The following DIAPH3 variants were observed in gnomAD, a reference collection of about 807,000 sequenced individuals.
The protein encoded by DIAPH3 is diaphanous related formin 3, also known as protein diaphanous homolog 3.
Under a neutral mutation model 144.3 loss-of-function variants are expected in DIAPH3, and 117 were observed. The ratio of observed to expected loss-of-function variants is 0.81; its 90% CI spans 0.70 to 0.95. DIAPH3 has a LOEUF of 0.95. DIAPH3 is among the 40% of genes least tolerant of loss of function. The probability of loss-of-function intolerance (pLI) is 0.00; values close to 1 mark genes in which losing one functional copy is unlikely to be tolerated. For missense variants in DIAPH3, 1,421 were observed against 1,412.7 expected (o/e 1.01, Z -0.09); for synonymous variants, 519 against 488.9 (o/e 1.06, Z -0.81).
chr13:59,940,605 T>A (rs576293591), intron 17 of DIAPH3, among the ~76,000 whole-genome samples: 3 of 152,356 alleles, frequency 2.0e-5, no homozygotes, highest in African/African-American at 7.2e-5. Context: ...GTATTTCATA[T>A]AATTTCTTGA....
At chr13:59,976,080 C>T (rs2050664489) in intron 14 of DIAPH3, among the ~76,000 whole-genome samples, 1 of 151,958 alleles carries the variant, frequency 6.6e-6, no homozygotes, top group African/African-American at 2.4e-5. Context: ...TTTCATCCCT[C>T]ATTTTACTCC....
chr13:59,835,385 G>A (rs341513), intron 23 of DIAPH3, among the ~76,000 whole-genome samples: 92,131 of 151,404 alleles, frequency 0.61, 28,499 homozygotes, highest in East Asian at 0.7. Context: ...ATGATATTAC[G>A]TAGAGTGACA....
At chr13:60,105,253 T>G (rs932566016) in intron 3 of DIAPH3, among the ~76,000 whole-genome samples, 30 of 152,164 alleles carry the variant, frequency 2.0e-4, no homozygotes, top group Non-Finnish European at 4.4e-4. Context: ...AACTTTTTTC[T>G]TAAGGCCACC....
At chr13:60,076,477 C>T (rs1032177087) in intron 4 of DIAPH3, among the ~76,000 whole-genome samples, 1 of 152,044 alleles carries the variant, frequency 6.6e-6, no homozygotes, top group African/African-American at 2.4e-5. Context: ...TATCCTCAGC[C>T]CCTGGGCTTC....
At chr13:59,793,328 G>T (rs1417424150) in intron 25 of DIAPH3, among the ~76,000 whole-genome samples, 2 of 152,032 alleles carry the variant, frequency 1.3e-5, no homozygotes, top group African/African-American at 4.8e-5. Flanking sequence ...CTCCCAGTCT[G>T]CATTTAAACA....
chr13:59,891,128 T>C (rs1330673632), intron 20 of DIAPH3, among the ~76,000 whole-genome samples: 1 of 151,998 alleles, frequency 6.6e-6, no homozygotes, highest in Non-Finnish European at 1.5e-5. Flanking sequence ...TCAAACCTCA[T>C]AATGAGATTT....
intron 4 of DIAPH3, among the ~76,000 whole-genome samples, chr13:60,066,862 A>G (rs2056988200): frequency 6.6e-6 from 1 of 152,242 alleles, no homozygotes; most frequent in African/African-American, 2.4e-5. Flanking sequence ...GATTTCATAC[A>G]TATCTCAATA....
rs561880107 is a variant in DIAPH3, at chr13:59,972,626, C to A, written c.1651-1466G>T. Among the ~76,000 whole-genome samples the A allele has an allele frequency of 1.2e-4, 18 of 152,264 alleles. No individual in the cohort carries two copies. In the East Asian group the frequency reaches 3.3e-3, roughly 28 times the overall value. On this transcript the variant is annotated intron_variant, in intron 15 of 27. Coordinates refer to ENST00000400324, the MANE Select transcript of DIAPH3 (RefSeq NM_001042517.2). ...CAAAACCATTAAGTATAAAGAAGAACCAGTTCAGTGTTACTCTGGGTTGCT... is the reference window on the plus strand; with the variant it reads ...CAAAACCATTAAGTATAAAGAAGAAACAGTTCAGTGTTACTCTGGGTTGCT...
At chr13:59,765,232 T>C (rs1364161342) in intron 27 of DIAPH3, among the ~76,000 whole-genome samples, 1 of 152,236 alleles carries the variant, frequency 6.6e-6, no homozygotes, top group East Asian at 1.9e-4. Flanking sequence ...AGAAAATTAA[T>C]TTCCATGTCT....
intron 27 of DIAPH3, among the ~76,000 whole-genome samples, chr13:59,760,384 AT>A (rs1200993165): frequency 3.3e-5 from 5 of 152,210 alleles, no homozygotes; most frequent in Non-Finnish European, 7.4e-5. Context: ...CAGAGTAACT[AT>A]ATTAATAAGA....
At chr13:60,040,577 A>G (rs902635480) in intron 5 of DIAPH3, among the ~76,000 whole-genome samples, 1 of 152,178 alleles carries the variant, frequency 6.6e-6, no homozygotes, top group Admixed American at 6.5e-5. Context: ...ACAGACATCT[A>G]CTTTTGAGTA....
rs1330366845 is a variant in DIAPH3, at chr13:59,798,172, GTTCAGGTCTTCTACA to G, written c.3163+12601_3163+12615del. Among the ~76,000 whole-genome samples the G allele has an allele frequency of 2.0e-5, 3 of 152,232 alleles. No individual in the cohort carries two copies. The East Asian group carries it at 5.8e-4, about 29-fold the overall frequency. ...TGTCTTCTCTTTTCAGTGCATCCTA[GTTCAGGTCTTCTACA>G]TTTATCTCTTGCAAAATTGCAAGTG... On this transcript the variant is annotated intron_variant, in intron 25 of 27. Transcript: ENST00000400324.
intron 27 of DIAPH3, among the ~76,000 whole-genome samples, chr13:59,757,209 G>A (rs1002822392): frequency 6.6e-6 from 1 of 152,016 alleles, no homozygotes; most frequent in Non-Finnish European, 1.5e-5. Flanking sequence ...GCTGGTAGGA[G>A]TATAATTTAG....
rs746147763 is a variant in DIAPH3, at chr13:59,774,197, CAA to C, written c.3309_3310del (p.Cys1104Ter). 1 of 1,612,696 alleles carries C rather than the reference CAA, an allele frequency of 6.2e-7. No individual in the cohort carries two copies. The highest frequency in any genetic ancestry group is 1.3e-5 in the African/African-American group (1 of 74,888). ...TAAATACGGTTTATTACCATGGTTA[CAA>C]ACTTTCAGAACAGGCCTCTGAGACA... On this transcript the variant is annotated frameshift_variant, in exon 27 of 28. Transcript: ENST00000400324. LOFTEE classifies it high-confidence loss of function.
chr13:59,746,116 T>A (rs1238693238), intron 27 of DIAPH3, among the ~76,000 whole-genome samples: 3 of 152,212 alleles, frequency 2.0e-5, no homozygotes, highest in Non-Finnish European at 2.9e-5. Context: ...ATGATTTTAT[T>A]GTATATATCT....
chr13:59,922,250 C>A (rs1376727388), intron 18 of DIAPH3, among the ~76,000 whole-genome samples: 1 of 151,944 alleles, frequency 6.6e-6, no homozygotes, highest in African/African-American at 2.4e-5. Context: ...ATAAGTTAAG[C>A]TGTACTTGCT....
intron 2 of DIAPH3, among the ~76,000 whole-genome samples, chr13:60,127,296 C>T (rs940993582): frequency 4.0e-5 from 6 of 151,466 alleles, no homozygotes; most frequent in Non-Finnish European, 7.4e-5. Context: ...AATGTATGTC[C>T]TTGAAAGACA....
chr13:59,695,691 G>A (rs1423618364), intron 27 of DIAPH3, among the ~76,000 whole-genome samples: 2 of 152,106 alleles, frequency 1.3e-5, no homozygotes, highest in African/African-American at 2.4e-5. Context: ...ATACTGAAAT[G>A]TACACTTTAC....
At chr13:59,832,548 T>C (rs1349038002) in intron 24 of DIAPH3, among the ~76,000 whole-genome samples, 1 of 151,782 alleles carries the variant, frequency 6.6e-6, no homozygotes, top group Admixed American at 6.6e-5. Context: ...AGTTCTTTTC[T>C]TCCCCCCACC....
Sources: gnomAD v4.1 joint callset for allele counts (sites outside exome capture counted in the v4.1 genomes callset) on GRCh38, gnomAD v4.1.1 for gene constraint, MANE v1.5 for transcripts, NCBI Gene and HGNC (gene_info 2026-07-23, HGNC 2026-07-21) for gene names.